THSD7B: variants seen among roughly 807,000 people sequenced by gnomAD.
The protein encoded by THSD7B is thrombospondin type 1 domain containing 7B.
A neutral mutation model predicts 213.6 loss-of-function variants in THSD7B; 138 were observed. The ratio of observed to expected loss-of-function variants is 0.65; its 90% confidence interval spans 0.56 to 0.74. The LOEUF (loss-of-function observed/expected upper bound fraction) is 0.74, where lower values mean the gene tolerates loss of function less well. Among genes scored for constraint, THSD7B ranks in the 30% least tolerant of loss-of-function variants. The pLI is 0.00. For synonymous variants in THSD7B, 742 were observed against 687.0 expected (o/e 1.08, Z -1.25); for missense variants, 1,931 against 1,991.5 (o/e 0.97, Z 0.58).
intron 2 of THSD7B, among the ~76,000 whole-genome samples, chr2:136,997,459 G>C (rs899636269): frequency 6.6e-6 from 1 of 152,290 alleles, no homozygotes; most frequent in Non-Finnish European, 1.5e-5. Context: ...AAAAGATGGA[G>C]ATAGTATTTT....
intron 4 of THSD7B, among the ~76,000 whole-genome samples, chr2:137,111,054 T>C (rs940026435): frequency 2.0e-5 from 3 of 152,170 alleles, no homozygotes; most frequent in Non-Finnish European, 4.4e-5. Context: ...TAGTGACACA[T>C]TTCTCCATAA....
At chr2:137,010,047 C>G (rs950877423) in intron 2 of THSD7B, among the ~76,000 whole-genome samples, 6 of 152,166 alleles carry the variant, frequency 3.9e-5, no homozygotes, top group African/African-American at 1.2e-4. Flanking sequence ...ACCCTCACCC[C>G]CTCCCATCCT....
intron 12 of THSD7B, among the ~76,000 whole-genome samples, chr2:137,373,835 T>TAAC (rs1685590649): frequency 6.6e-6 from 1 of 152,254 alleles, no homozygotes. Flanking sequence ...GTTTTAGGTC[T>TAAC]AACAGGTAAG....
At chr2:137,614,761 T>C (rs1305928987) in intron 17 of THSD7B, among the ~76,000 whole-genome samples, 1 of 152,140 alleles carries the variant, frequency 6.6e-6, no homozygotes, top group Non-Finnish European at 1.5e-5. Context: ...CAAAATCACA[T>C]GGATAGTGAA....
At chr2:136,905,169 T>C (rs1465252256) in intron 2 of THSD7B, among the ~76,000 whole-genome samples, 1 of 152,208 alleles carries the variant, frequency 6.6e-6, no homozygotes, top group African/African-American at 2.4e-5. Context: ...CCAAATAATA[T>C]ATCGAGCACT....
At chr2:137,501,915 C>T (rs1216103540) in intron 15 of THSD7B, among the ~76,000 whole-genome samples, 1 of 152,278 alleles carries the variant, frequency 6.6e-6, no homozygotes, top group African/African-American at 2.4e-5. Context: ...ACTGGAAGTG[C>T]TTTATCCGCT....
At position 137,115,234 on chromosome 2, in the gene THSD7B, C is replaced by A. The variant is rs1401378122; in HGVS notation, c.1310C>A (p.Thr437Asn). 1 of 1,613,196 alleles carries A rather than the reference C, an allele frequency of 6.2e-7. No individual in the cohort carries two copies. Among genetic ancestry groups the A allele is most frequent in the African/African-American group, 1.3e-5 (1 of 74,884 alleles). Residue 437 changes from threonine (T) to asparagine (N), a missense_variant, in exon 5 of 28, where the codon ACC becomes AAC. Physicochemically the swap from Thr to Asn is moderately conservative, Grantham distance 65 (BLOSUM62 0). Coordinates refer to ENST00000409968, the MANE Select transcript of THSD7B (RefSeq NM_001316349.2). ...CCCGTGTGTGGCGGTGGGATCCAGA[C>A]CCGGGAGGTGTACTGTGCCCAGAGC... ...TGPVCGGGIQTREVYCAQSVP... is the reference protein window; with the variant it reads ...TGPVCGGGIQNREVYCAQSVP...
At chr2:137,515,974 C>T (rs1396840275) in intron 15 of THSD7B, among the ~76,000 whole-genome samples, 3 of 152,180 alleles carry the variant, frequency 2.0e-5, no homozygotes, top group Non-Finnish European at 4.4e-5. Flanking sequence ...TGTAATTGCT[C>T]TTCTCTGCAT....
At chr2:137,507,976 T>C (rs896619945) in intron 15 of THSD7B, among the ~76,000 whole-genome samples, 10 of 152,364 alleles carry the variant, frequency 6.6e-5, no homozygotes, top group East Asian at 5.8e-4. Context: ...TTACTTAACA[T>C]ATTTGTATAA....
chr2:136,997,727 TAG>T (rs2104821732), intron 2 of THSD7B, among the ~76,000 whole-genome samples: 1 of 152,254 alleles, frequency 6.6e-6, no homozygotes, highest in East Asian at 1.9e-4. Context: ...TGCCTAGTCA[TAG>T]AGAGGGAATG....
At position 137,056,663 on chromosome 2, in the gene THSD7B, C is replaced by G. The variant is rs1687168503; in HGVS notation, c.383C>G (p.Thr128Ser). The G allele has an allele frequency of 2.5e-6, 4 of 1,613,890 alleles. No homozygotes were observed. The highest frequency in any genetic ancestry group is 3.4e-6 in the Non-Finnish European group (4 of 1,179,906). Residue 128 changes from threonine to serine, a missense_variant, in exon 3 of 28, where the codon ACT becomes AGT. Transcript: ENST00000409968. ...GCTCGCGGTGAAGTCAAGCCTCGGACTGCAGAGTGTGTGACGGCTCAGCAT... is the reference window on the plus strand; with the variant it reads ...GCTCGCGGTGAAGTCAAGCCTCGGAGTGCAGAGTGTGTGACGGCTCAGCAT... ...PYARGEVKPR[T>S]AECVTAQHGL...
chr2:137,011,713 A>G (rs1294184957), intron 2 of THSD7B, among the ~76,000 whole-genome samples: 1 of 152,172 alleles, frequency 6.6e-6, no homozygotes, highest in African/African-American at 2.4e-5. Flanking sequence ...TCCCTGTCCA[A>G]TTATCTGAAT....
chr2:137,436,489 T>C (rs898503687), intron 14 of THSD7B, among the ~76,000 whole-genome samples: 1 of 152,230 alleles, frequency 6.6e-6, no homozygotes, highest in Non-Finnish European at 1.5e-5. Context: ...TAACTGCCTC[T>C]GTTCCTGCTG....
At chr2:137,110,764 A>G (rs1387829347) in intron 4 of THSD7B, among the ~76,000 whole-genome samples, 2 of 152,238 alleles carry the variant, frequency 1.3e-5, no homozygotes, top group African/African-American at 4.8e-5. Flanking sequence ...CATGCACTCC[A>G]TAACATTTCT....
At chr2:136,788,850 T>G (rs1681913974) in intron 1 of THSD7B, among the ~76,000 whole-genome samples, 1 of 152,168 alleles carries the variant, frequency 6.6e-6, no homozygotes, top group Non-Finnish European at 1.5e-5. Flanking sequence ...TTTCTCCTTA[T>G]CTGGTTAAAT....
chr2:137,290,405 T>C (rs1404109370), intron 12 of THSD7B, among the ~76,000 whole-genome samples: 1 of 152,126 alleles, frequency 6.6e-6, no homozygotes, highest in Non-Finnish European at 1.5e-5. Context: ...GTTTTCTTTC[T>C]GAGAGTCCGT....
intron 12 of THSD7B, among the ~76,000 whole-genome samples, chr2:137,404,432 T>TAG (rs1686447630): frequency 3.0e-4 from 4 of 13,464 alleles, no homozygotes; most frequent in South Asian, 2.6e-3. Flanking sequence ...AACTCTGAGA[T>TAG]ATATATATAT....
At chr2:137,644,752 C>G (rs1326825395) in intron 21 of THSD7B, among the ~76,000 whole-genome samples, 1 of 152,252 alleles carries the variant, frequency 6.6e-6, no homozygotes, top group Non-Finnish European at 1.5e-5. Flanking sequence ...CTTGTCCTAG[C>G]ATGTCCTTGC....
At chr2:137,036,133 T>A (rs1329464245) in intron 2 of THSD7B, among the ~76,000 whole-genome samples, 1 of 152,216 alleles carries the variant, frequency 6.6e-6, no homozygotes, top group African/African-American at 2.4e-5. Flanking sequence ...TACATTATCA[T>A]GAATGCTGCA....
Sources: gnomAD v4.1 joint callset for allele counts (sites outside exome capture counted in the v4.1 genomes callset) on GRCh38, gnomAD v4.1.1 for gene constraint, MANE v1.5 for transcripts, NCBI Gene and HGNC (gene_info 2026-07-23, HGNC 2026-07-21) for gene names.